Variants in DPH6 observed in about 807,000 individuals in gnomAD.
The protein encoded by DPH6 is diphthamine biosynthesis 6.
A neutral mutation model predicts 38.2 loss-of-function variants in DPH6; 33 were observed. The observed-to-expected ratio is 0.86, with a 90% CI of 0.65 to 1.15. The LOEUF (loss-of-function observed/expected upper bound fraction) is 1.15, where lower values mean the gene tolerates loss of function less well. Ranked by LOEUF, DPH6 falls within the 50% of genes most tolerant of loss-of-function variation. The pLI, the probability that DPH6 is intolerant of heterozygous loss-of-function variation, is 0.00. For synonymous variants in DPH6, 108 were observed against 103.0 expected (o/e 1.05, Z -0.30); for missense variants, 325 against 320.0 (o/e 1.02, Z -0.12).
rs552693693 is a variant in DPH6, at chr15:35,406,239, T to C, written c.567+4596A>G. ...CAGAGAGGGAAGGATAACATGGAGG[T>C]AGGAGGAGATATTCACTCTGGGAAA... On this transcript the variant is annotated intron_variant, in intron 6 of 8. Transcript: ENST00000256538. 5.3e-5 allele frequency among the ~76,000 whole-genome samples: 8 copies of C among 151,756 alleles called. No homozygotes were observed. In the East Asian group the frequency reaches 7.8e-4, roughly 15 times the overall value.
chr15:35,289,545 G>T (rs998826245), intron 3 of DPH6, among the ~76,000 whole-genome samples: 2 of 152,148 alleles, frequency 1.3e-5, no homozygotes, highest in African/African-American at 4.8e-5. Flanking sequence ...AGGATGAAAA[G>T]ATTGAAAGAA....
chr15:35,533,683 GTATT>G (rs2141543184), intron 3 of DPH6, among the ~76,000 whole-genome samples: 1 of 149,860 alleles, frequency 6.7e-6, no homozygotes, highest in African/African-American at 2.4e-5. Context: ...TATTATTTAT[GTATT>G]TAATATTTAT....
chr15:35,268,852 G>T (rs2051802504), intron 3 of DPH6, among the ~76,000 whole-genome samples: 1 of 152,008 alleles, frequency 6.6e-6, no homozygotes, highest in Non-Finnish European at 1.5e-5. Context: ...GAAAAACAAG[G>T]CTGGCAAGGT....
intron 3 of DPH6, among the ~76,000 whole-genome samples, chr15:35,463,833 C>G (rs764448416): frequency 5.3e-5 from 8 of 152,084 alleles, no homozygotes; most frequent in African/African-American, 2.4e-5. Flanking sequence ...TGCTGGTAAG[C>G]TGTCAGACAC....
At chr15:35,449,992 T>C (rs933804492) in intron 5 of DPH6, among the ~76,000 whole-genome samples, 1 of 152,136 alleles carries the variant, frequency 6.6e-6, no homozygotes, top group Non-Finnish European at 1.5e-5. Context: ...GGGCATTTTC[T>C]ATAACAGGTT....
intron 5 of DPH6, among the ~76,000 whole-genome samples, chr15:35,438,264 C>CTTTT (rs111758117): frequency 9.2e-5 from 14 of 151,694 alleles, no homozygotes; most frequent in East Asian, 1.9e-4. Flanking sequence ...CATTTCTTTT[C>CTTTT]TTTCTTTTTT....
At chr15:35,453,937 A>G (rs1800826978) in intron 4 of DPH6, among the ~76,000 whole-genome samples, 1 of 152,108 alleles carries the variant, frequency 6.6e-6, no homozygotes. Context: ...TTGACTAGCA[A>G]AATCACTTAT....
intron 7 of DPH6, among the ~76,000 whole-genome samples, chr15:35,375,792 G>C (rs1318680993): frequency 6.6e-6 from 1 of 151,956 alleles, no homozygotes; most frequent in Admixed American, 6.6e-5. Context: ...AGCCTCCTGA[G>C]GTGTTGGGGT....
chr15:35,259,615 G>A (rs1418846807), intron 3 of DPH6, among the ~76,000 whole-genome samples: 1 of 152,158 alleles, frequency 6.6e-6, no homozygotes, highest in Non-Finnish European at 1.5e-5. Context: ...AGAAATATGT[G>A]ATGTCACAAT....
chr15:35,373,814 T>C (rs1210899925), intron 7 of DPH6, among the ~76,000 whole-genome samples: 3 of 152,012 alleles, frequency 2.0e-5, no homozygotes, highest in Admixed American at 6.6e-5. Context: ...GAAAAAACAA[T>C]GAGGCTTTCT....
At chr15:35,231,513 T>A (rs1157854349) in intron 3 of DPH6, among the ~76,000 whole-genome samples, 1 of 152,212 alleles carries the variant, frequency 6.6e-6, no homozygotes, top group Non-Finnish European at 1.5e-5. Context: ...AAGGTGCTTT[T>A]TTTGTGTGTA....
chr15:35,304,499 C>A (rs2052074777), intron 3 of DPH6, among the ~76,000 whole-genome samples: 1 of 152,034 alleles, frequency 6.6e-6, no homozygotes, highest in Non-Finnish European at 1.5e-5. Context: ...ATAAATGGTA[C>A]CTTTTTCATC....
At chr15:35,510,496 T>C (rs1566935603) in intron 3 of DPH6, among the ~76,000 whole-genome samples, 2 of 152,208 alleles carry the variant, frequency 1.3e-5, no homozygotes, top group Non-Finnish European at 2.9e-5. Context: ...TTTTCCTACA[T>C]TGAATAAGTA....
chr15:35,297,670 A>T (rs2140796034), intron 3 of DPH6, among the ~76,000 whole-genome samples: 2 of 152,006 alleles, frequency 1.3e-5, no homozygotes, highest in East Asian at 3.9e-4. Context: ...CTCTATCTAT[A>T]TGCTGTGATT....
At chr15:35,233,385 G>A (rs1042687000) in intron 3 of DPH6, among the ~76,000 whole-genome samples, 1 of 151,800 alleles carries the variant, frequency 6.6e-6, no homozygotes, top group African/African-American at 2.4e-5. Context: ...ATTAAGTGTG[G>A]GACAAAAGAC....
In DPH6 at chr15:35,280,830, A is replaced by C. The variant is rs530483032; in HGVS notation, n.201-60248T>G. Among the ~76,000 whole-genome samples the C allele has an allele frequency of 1.2e-4, 19 of 152,274 alleles. No homozygotes were observed. In the East Asian group the frequency reaches 3.7e-3, roughly 29 times the overall value. ...CAAAGAATCAGTTTTCAAAAGTTCA[A>C]GTTTTCTCAGATATTACAGCAAGTG... On this transcript the variant is annotated intron_variant and non_coding_transcript_variant, in intron 3 of 3. Transcript: ENST00000560386.
intron 3 of DPH6, among the ~76,000 whole-genome samples, chr15:35,292,739 A>G (rs1283776711): frequency 1.3e-5 from 2 of 152,266 alleles, no homozygotes; most frequent in Middle Eastern, 3.4e-3. Flanking sequence ...ATGCTGGGAA[A>G]CTTGCTACTT....
chr15:35,304,801 A>C (rs1423804326), intron 3 of DPH6, among the ~76,000 whole-genome samples: 2 of 152,034 alleles, frequency 1.3e-5, no homozygotes, highest in Non-Finnish European at 1.5e-5. Flanking sequence ...GGTAAAAAAA[A>C]AAAAACAAAA....
intron 3 of DPH6, among the ~76,000 whole-genome samples, chr15:35,294,905 A>T (rs2052005120): frequency 6.6e-6 from 1 of 152,220 alleles, no homozygotes; most frequent in Admixed American, 6.5e-5. Flanking sequence ...CGGGAACAGG[A>T]TGAGATATGT....
Sources: gnomAD v4.1 joint callset for allele counts (sites outside exome capture counted in the v4.1 genomes callset) on GRCh38, gnomAD v4.1.1 for gene constraint, MANE v1.5 for transcripts, NCBI Gene and HGNC (gene_info 2026-07-23, HGNC 2026-07-21) for gene names.